RBFOX1: variants seen among roughly 807,000 people sequenced by gnomAD.
The protein encoded by RBFOX1 is RNA binding protein fox-1 homolog 1.
In RBFOX1, 8 loss-of-function variants were observed where a neutral mutation model predicts 57.7. The observed-to-expected ratio is 0.14, with a 90% confidence interval of 0.08 to 0.25. The LOEUF (loss-of-function observed/expected upper bound fraction) is 0.25, where lower values mean the gene tolerates loss of function less well. Ranked by LOEUF, RBFOX1 falls within the 10% of genes least tolerant of loss-of-function variation. RBFOX1 has a pLI of 1.00. For missense variants in RBFOX1, 611 were observed against 548.5 expected (o/e 1.11, Z -1.14); for synonymous variants, 326 against 222.4 (o/e 1.47, Z -4.15).
chr16:6,003,085 C>A (rs1217866971), intron 4 of RBFOX1, among the ~76,000 whole-genome samples: 1 of 152,032 alleles, frequency 6.6e-6, no homozygotes, highest in African/African-American at 2.4e-5. Flanking sequence ...CGAGATCATC[C>A]TGGCTAACAT....
chr16:5,473,054 C>T (rs1187825544), intron 2 of RBFOX1, among the ~76,000 whole-genome samples: 1 of 152,220 alleles, frequency 6.6e-6, no homozygotes, highest in Non-Finnish European at 1.5e-5. Context: ...GCTCTCAGAG[C>T]TGATGTCCCT....
intron 5 of RBFOX1, among the ~76,000 whole-genome samples, chr16:7,542,920 A>G (rs1456393654): frequency 1.3e-5 from 2 of 151,952 alleles, no homozygotes; most frequent in Non-Finnish European, 2.9e-5. Flanking sequence ...AAACACCACC[A>G]CCACCCCACA....
chr16:7,591,620 C>A (rs1002730844), intron 7 of RBFOX1, among the ~76,000 whole-genome samples: 1 of 152,120 alleles, frequency 6.6e-6, no homozygotes, highest in East Asian at 1.9e-4. Flanking sequence ...CACAGGCCAC[C>A]AATCTCTTTT....
intron 14 of RBFOX1, among the ~76,000 whole-genome samples, chr16:7,702,995 A>AG (rs1168118359): frequency 6.6e-6 from 1 of 152,132 alleles, no homozygotes; most frequent in African/African-American, 2.4e-5. Flanking sequence ...CACCCCAACC[A>AG]GGGGGGTAGA....
At chr16:6,284,067 T>C (rs1447596740) in intron 1 of RBFOX1, among the ~76,000 whole-genome samples, 1 of 152,154 alleles carries the variant, frequency 6.6e-6, no homozygotes, top group Non-Finnish European at 1.5e-5. Context: ...TTAACATTAT[T>C]CCATAAAGAG....
chr16:5,762,347 G>A (rs4786774), intron 3 of RBFOX1, among the ~76,000 whole-genome samples: 3 of 124,846 alleles, frequency 2.4e-5, no homozygotes, highest in African/African-American at 2.5e-5. Flanking sequence ...GGCAGAAAAC[G>A]AACAAAAAGA....
intron 4 of RBFOX1, among the ~76,000 whole-genome samples, chr16:7,160,902 A>G (rs923448428): frequency 5.3e-5 from 8 of 150,938 alleles, no homozygotes; most frequent in Non-Finnish European, 5.9e-5. Flanking sequence ...ATTCAACTCT[A>G]ACTTCTTCAG....
rs534819746 is a variant in RBFOX1, at chr16:5,512,977, G to A, written c.258+45723G>A. ...GTCAACCAGGCAGGAGTGCAATGGC[G>A]CCATCACAGCTCACTGCAACCTCCA... On this transcript the variant is annotated intron_variant, in intron 2 of 2. Transcript: ENST00000585867. Among the ~76,000 whole-genome samples the A allele has an allele frequency of 9.1e-4, 139 of 152,254 alleles. 1 individual carries two copies. The highest frequency in any genetic ancestry group is 1.6e-3 in the Non-Finnish European group (112 of 68,002).
chr16:6,631,807 G>A (rs1042189816), intron 2 of RBFOX1, among the ~76,000 whole-genome samples: 1 of 152,102 alleles, frequency 6.6e-6, no homozygotes, highest in African/African-American at 2.4e-5. Flanking sequence ...AGCTCTGCAG[G>A]GGGCGGGGGT....
In RBFOX1 at chr16:7,123,317, T is replaced by G. The variant is rs62014151; in HGVS notation, c.27+71219T>G. Among the ~76,000 whole-genome samples the G allele has an allele frequency of 4.5e-4, 69 of 152,012 alleles. 2 individuals are homozygous for G. In the South Asian group the frequency reaches 0.013, roughly 29 times the overall value. On this transcript the variant is annotated intron_variant, in intron 4 of 15. Transcript: ENST00000550418. ...GCAAACATTACACATTTAAAAATAT[T>G]TGTGGATGGAATAAATGAAAAAGTG...
At chr16:7,080,127 G>C (rs924031880) in intron 4 of RBFOX1, among the ~76,000 whole-genome samples, 1 of 148,136 alleles carries the variant, frequency 6.8e-6, no homozygotes, top group Non-Finnish European at 1.5e-5. Context: ...AAAAAGACTA[G>C]TATACTTTAC....
At chr16:5,700,827 C>T (rs1177345769) in intron 3 of RBFOX1, among the ~76,000 whole-genome samples, 1 of 152,144 alleles carries the variant, frequency 6.6e-6, no homozygotes, top group Non-Finnish European at 1.5e-5. Flanking sequence ...CAATTTGGGT[C>T]CCACACCCAT....
intron 1 of RBFOX1, among the ~76,000 whole-genome samples, chr16:5,357,774 G>A (rs2065432872): frequency 6.6e-6 from 1 of 152,176 alleles, no homozygotes; most frequent in Admixed American, 6.5e-5. Context: ...CTTTGCTTAA[G>A]ACATCACAGG....
intron 4 of RBFOX1, among the ~76,000 whole-genome samples, chr16:5,968,719 G>T (rs556898450): frequency 6.6e-6 from 1 of 151,840 alleles, no homozygotes; most frequent in African/African-American, 2.4e-5. Flanking sequence ...TTTTTGTTTC[G>T]ATGTGTGATT....
intron 4 of RBFOX1, among the ~76,000 whole-genome samples, chr16:6,004,425 C>T (rs2060657495): frequency 1.3e-5 from 2 of 152,074 alleles, no homozygotes; most frequent in Non-Finnish European, 2.9e-5. Flanking sequence ...GGAAAGTGTA[C>T]ATAGGAAGCA....
chr16:6,688,322 TAAACCATTAG>T, intron 3 of RBFOX1, among the ~76,000 whole-genome samples: 1 of 152,138 alleles, frequency 6.6e-6, no homozygotes, highest in East Asian at 1.9e-4. Context: ...GAGATGGTGC[TAAACCATTAG>T]AAACCACCCC....
chr16:5,751,653 G>A (rs1428176902), intron 3 of RBFOX1, among the ~76,000 whole-genome samples: 1 of 152,144 alleles, frequency 6.6e-6, no homozygotes, highest in Non-Finnish European at 1.5e-5. Context: ...CTAAAGGTGA[G>A]GAGCATTTGG....
At chr16:6,990,139 C>A (rs1479120864) in intron 3 of RBFOX1, among the ~76,000 whole-genome samples, 1 of 152,126 alleles carries the variant, frequency 6.6e-6, no homozygotes, top group African/African-American at 2.4e-5. Flanking sequence ...TAAACGTGCC[C>A]AACACACAGT....
chr16:5,847,480 C>A (rs1037173974), intron 3 of RBFOX1, among the ~76,000 whole-genome samples: 1 of 151,942 alleles, frequency 6.6e-6, no homozygotes, highest in East Asian at 1.9e-4. Context: ...AACTTCAGTG[C>A]CATTTGCAAA....
Sources: gnomAD v4.1 joint callset for allele counts (sites outside exome capture counted in the v4.1 genomes callset) on GRCh38, gnomAD v4.1.1 for gene constraint, MANE v1.5 for transcripts, NCBI Gene and HGNC (gene_info 2026-07-23, HGNC 2026-07-21) for gene names.